The following HOOK1 variants were observed in gnomAD, a reference collection of about 807,000 sequenced individuals.
The protein encoded by HOOK1 is protein Hook homolog 1.
HOOK1 carries 60 observed loss-of-function variants against 112.8 expected under a neutral mutation model. The ratio of observed to expected loss-of-function variants is 0.53; its 90% CI spans 0.43 to 0.66. The LOEUF is 0.66. Ranked by LOEUF, HOOK1 falls within the 30% of genes least tolerant of loss-of-function variation. The pLI is 0.00. For missense variants in HOOK1, 770 were observed against 856.0 expected, an observed-to-expected ratio of 0.90 and a Z score of 1.25; for synonymous variants, 294 against 283.8, an observed-to-expected ratio of 1.04 and a Z score of -0.36.
intron 3 of HOOK1, among the ~76,000 whole-genome samples, chr1:59,830,939 C>G (rs1346327901): frequency 6.8e-6 from 1 of 147,438 alleles, no homozygotes; most frequent in Non-Finnish European, 1.5e-5. Context: ...TTCGCTCTTA[C>G]GCCCAGCCTG....
At chr1:59,844,883 A>G (rs2098402833) in intron 9 of HOOK1, among the ~76,000 whole-genome samples, 1 of 151,996 alleles carries the variant, frequency 6.6e-6, no homozygotes, top group Admixed American at 6.6e-5. Context: ...ATGTACAATT[A>G]TATATTGAAA....
In HOOK1 at chr1:59,843,451, A is replaced by T. The variant is rs1433480501; in HGVS notation, c.641A>T (p.Glu214Val). Reference sequence around the variant, plus strand: ...TCTTAGGTGACTACACTTCAAGATGAAAAGAATTCACTGGTTTCTGAAAAT... The same window carrying T: ...TCTTAGGTGACTACACTTCAAGATGTAAAGAATTCACTGGTTTCTGAAAAT... The part of the protein sequence containing the change: ...LDMQVTTLQD[E>V]KNSLVSENEM... The change falls in exon 9 of 22, where the codon GAA (glutamate) becomes GTA (valine). Residue 214 changes from glutamate (E) to valine (V), a missense_variant. Around this residue, in one of 3 missense-constraint regions of HOOK1, gnomAD observed 655 missense variants for 725.9 expected, o/e 0.90. Coordinates refer to ENST00000371208, the MANE Select transcript of HOOK1 (RefSeq NM_015888.6). The T allele has an allele frequency of 1.9e-6, 3 of 1,609,832 alleles. No homozygotes were observed. The African/African-American group carries it at 4.0e-5, about 22-fold the overall frequency.
At chr1:59,815,232 G>A (rs1447276021) in intron 1 of HOOK1, 52 bp downstream of exon 1, 1 of 1,507,224 alleles carries the variant, frequency 6.6e-7, no homozygotes, top group East Asian at 2.5e-5. Context: ...GAGGCGAGGA[G>A]CCTGGGGCGC....
chr1:59,855,063 CAG>C (rs1029895164), intron 12 of HOOK1, among the ~76,000 whole-genome samples: 1 of 152,184 alleles, frequency 6.6e-6, no homozygotes, highest in Non-Finnish European at 1.5e-5. Flanking sequence ...TAGACTAACA[CAG>C]AGAGAGCTAT....
In HOOK1 at chr1:59,860,198, A is replaced by T. The variant is rs1338852430; in HGVS notation, c.1402A>T (p.Ile468Phe). 1 of 1,601,986 alleles carries T rather than the reference A, an allele frequency of 6.2e-7. No homozygotes were observed. Among genetic ancestry groups the T allele is most frequent in the Non-Finnish European group, 8.5e-7 (1 of 1,175,408 alleles). ...GCTTTGTAACATCAGGGAGGTGTTT[A>T]TTCGACTGCAACATGAAAATAAGAT... ...IMPVEYREVF[I>F]RLQHENKMLR... Residue 468 changes from isoleucine to phenylalanine, a missense_variant, in exon 15 of 22, where the codon ATT (isoleucine) becomes TTT (phenylalanine). Transcript: ENST00000371208.
chr1:59,866,312 A>T (rs770831198), intron 19 of HOOK1, among the ~76,000 whole-genome samples: 2 of 152,244 alleles, frequency 1.3e-5, no homozygotes, highest in Non-Finnish European at 2.9e-5. Flanking sequence ...TTTTCTAAGA[A>T]TACAATTTTT....
At chr1:59,840,191 A>G (rs555133697) in intron 7 of HOOK1, 117 bp from the exon 8 acceptor site, 12 of 527,436 alleles carry the variant, frequency 2.3e-5, no homozygotes, top group Non-Finnish European at 3.6e-5. Context: ...AGGTAAATTC[A>G]AAAAATAATT....
intron 2 of HOOK1, among the ~76,000 whole-genome samples, chr1:59,824,591 A>G (rs1054575410): frequency 1.3e-5 from 2 of 151,974 alleles, no homozygotes; most frequent in African/African-American, 4.9e-5. Flanking sequence ...TGAAGGTTAG[A>G]AGAGAAATTC....
intron 13 of HOOK1, among the ~76,000 whole-genome samples, chr1:59,858,726 AAAAGAGAG>A (rs1011063434): frequency 9.3e-5 from 14 of 150,918 alleles, no homozygotes; most frequent in African/African-American, 3.2e-4. Context: ...GTGAAAGAGA[AAAAGAGAG>A]AAAGAGAGAA....
In HOOK1 at chr1:59,848,561, A is replaced by G. The variant is rs369343876; in HGVS notation, c.1131+45A>G. 1,521 of 1,363,946 alleles carry G rather than the reference A, an allele frequency of 1.1e-3. 6 individuals are homozygous for G. The highest frequency in any genetic ancestry group is 1.4e-3 in the Non-Finnish European group (1,369 of 962,854). 84.5% of individuals were successfully genotyped at this position (1,363,946 alleles called of 1,614,324 possible). On this transcript the variant is annotated intron_variant, in intron 11 of 21. Coordinates refer to ENST00000371208, the MANE Select transcript of HOOK1 (RefSeq NM_015888.6). ...TTAATTGATAAAATTGTAAGAGTTT[A>G]ACTTTGTTATTCCTTTTGATGTCTT...
At chr1:59,826,793 G>A (rs1344367096) in intron 2 of HOOK1, among the ~76,000 whole-genome samples, 2 of 152,154 alleles carry the variant, frequency 1.3e-5, no homozygotes, top group African/African-American at 2.4e-5. Flanking sequence ...ACGGAGTTTC[G>A]CTCTTGTTGC....
intron 12 of HOOK1, among the ~76,000 whole-genome samples, chr1:59,852,234 T>G (rs919983770): frequency 2.6e-5 from 4 of 151,722 alleles, no homozygotes; most frequent in Admixed American, 2.6e-4. Context: ...TGGTATTAAT[T>G]CTTCTTTAAA....
chr1:59,819,451 C>A (rs1375081591), intron 1 of HOOK1, among the ~76,000 whole-genome samples: 1 of 152,128 alleles, frequency 6.6e-6, no homozygotes, highest in Non-Finnish European at 1.5e-5. Flanking sequence ...CACCCAGCCT[C>A]CCCACTAAGC....
intron 16 of HOOK1, among the ~76,000 whole-genome samples, chr1:59,863,161 A>G (rs1207079486): frequency 6.6e-6 from 1 of 152,118 alleles, no homozygotes; most frequent in African/African-American, 2.4e-5. Flanking sequence ...AGCTATACCA[A>G]AGTTCATGAT....
At chr1:59,841,990 G>C (rs756092744) in intron 8 of HOOK1, among the ~76,000 whole-genome samples, 6 of 152,032 alleles carry the variant, frequency 3.9e-5, no homozygotes, top group Non-Finnish European at 8.8e-5. Context: ...TGCCTGTCTC[G>C]CACCCTTCTT....
intron 9 of HOOK1, among the ~76,000 whole-genome samples, chr1:59,846,575 C>T (rs1253264890): frequency 5.8e-5 from 5 of 86,306 alleles, no homozygotes; most frequent in African/African-American, 9.7e-5. Context: ...TCCTTCCTTC[C>T]TTCCTTCCTT....
chr1:59,847,517 A>G (rs1320449387), intron 10 of HOOK1, among the ~76,000 whole-genome samples: 1 of 151,566 alleles, frequency 6.6e-6, no homozygotes, highest in Non-Finnish European at 1.5e-5. Context: ...TTTTTGTGTA[A>G]GGAAATTTTT....
chr1:59,830,608 T>C (rs2098393201), intron 3 of HOOK1, among the ~76,000 whole-genome samples: 1 of 152,178 alleles, frequency 6.6e-6, no homozygotes, highest in Non-Finnish European at 1.5e-5. Flanking sequence ...AGACACCTAA[T>C]AGTTGGGTCT....
intron 1 of HOOK1, chr1:59,815,383 G>A (rs1188261659): frequency 1.0e-5 from 6 of 592,318 alleles, no homozygotes; most frequent in Non-Finnish European, 9.0e-6. Flanking sequence ...TCCGGGGGTG[G>A]GGGTAAAGGA....
Sources: gnomAD v4.1 joint callset for allele counts (sites outside exome capture counted in the v4.1 genomes callset) on GRCh38, gnomAD v4.1.1 for gene constraint, gnomAD v4.1.1 regional missense constraint, MANE v1.5 for transcripts, NCBI Gene and HGNC (gene_info 2026-07-23, HGNC 2026-07-21) for gene names.